The following MTHFD1L variants were observed in gnomAD, a reference collection of about 807,000 sequenced individuals.
MTHFD1L encodes monofunctional C1-tetrahydrofolate synthase, mitochondrial.
In MTHFD1L, 81 loss-of-function variants were observed where a neutral mutation model predicts 119.5. The ratio of observed to expected loss-of-function variants is 0.68; its 90% CI spans 0.57 to 0.82. The LOEUF (loss-of-function observed/expected upper bound fraction) is 0.82, where lower values mean the gene tolerates loss of function less well. Ranked by LOEUF, MTHFD1L falls within the 40% of genes least tolerant of loss-of-function variation. MTHFD1L has a pLI of 0.00. For synonymous variants in MTHFD1L, 430 were observed against 475.2 expected (o/e 0.90, Z 1.24); for missense variants, 1,125 against 1,253.4 (o/e 0.90, Z 1.55).
intron 24 of MTHFD1L, among the ~76,000 whole-genome samples, chr6:151,016,413 C>T (rs965287070): frequency 6.6e-6 from 1 of 151,942 alleles, no homozygotes. Flanking sequence ...ACCTCTGCCT[C>T]CCAGGTTCAA....
chr6:151,014,575 A>C (rs1408524512), intron 22 of MTHFD1L, among the ~76,000 whole-genome samples: 1 of 152,160 alleles, frequency 6.6e-6, no homozygotes. Flanking sequence ...CTCCTCACCC[A>C]CCTGGGGCCT....
intron 7 of MTHFD1L, among the ~76,000 whole-genome samples, chr6:150,892,049 A>G (rs1216854187): frequency 6.6e-6 from 1 of 152,214 alleles, no homozygotes; most frequent in Non-Finnish European, 1.5e-5. Context: ...CAGCCTTGCA[A>G]TGAAACGTGA....
At chr6:150,942,661 A>C (rs1312590240) in intron 13 of MTHFD1L, among the ~76,000 whole-genome samples, 1 of 152,148 alleles carries the variant, frequency 6.6e-6, no homozygotes, top group Non-Finnish European at 1.5e-5. Context: ...CTATGTTGAG[A>C]GTGTAAGAGC....
At position 151,010,846 on chromosome 6, in the gene MTHFD1L, C is replaced by T. The variant is rs117748715; in HGVS notation, c.2265+888C>T. ...CTGATTTCTTAATTGGTATACTGTA[C>T]TGTGTATGTGACAAAAGTCATATAT... On this transcript the variant is annotated intron_variant, in intron 21 of 27. Transcript: ENST00000367321. Among the ~76,000 whole-genome samples, 274 of 152,250 alleles carry T rather than the reference C, an allele frequency of 1.8e-3. 3 individuals are homozygous for T. Among genetic ancestry groups the T allele is most frequent in the South Asian group, 8.3e-3 (40 of 4,824 alleles).
At chr6:150,937,048 G>T in intron 12 of MTHFD1L, 108 bp downstream of exon 12, 1 of 1,372,622 alleles carries the variant, frequency 7.3e-7, no homozygotes, top group Non-Finnish European at 1.0e-6. Context: ...AGGGGACTTG[G>T]TACATTTCTT....
At chr6:150,988,100 G>A (rs1778555897) in intron 20 of MTHFD1L, among the ~76,000 whole-genome samples, 1 of 152,170 alleles carries the variant, frequency 6.6e-6, no homozygotes, top group African/African-American at 2.4e-5. Flanking sequence ...ATCATAAAAT[G>A]TGGAGTTAAA....
intron 1 of MTHFD1L, among the ~76,000 whole-genome samples, chr6:150,868,496 C>T (rs369539505): frequency 1.9e-4 from 29 of 152,012 alleles, no homozygotes; most frequent in East Asian, 1.2e-3. Flanking sequence ...CGCACTACCA[C>T]GCCTGGCTTA....
intron 8 of MTHFD1L, among the ~76,000 whole-genome samples, chr6:150,911,511 C>T (rs550434722): frequency 6.6e-6 from 1 of 152,230 alleles, no homozygotes; most frequent in South Asian, 2.1e-4. Context: ...TCTCACACTT[C>T]CACGGACTGT....
chr6:150,919,631 A>G (rs1323908273), intron 9 of MTHFD1L, among the ~76,000 whole-genome samples: 2 of 152,182 alleles, frequency 1.3e-5, no homozygotes, highest in African/African-American at 4.8e-5. Flanking sequence ...GAAAGCAGGC[A>G]TCTCACAAGG....
chr6:150,923,546 T>TTC (rs1486475442), intron 10 of MTHFD1L, among the ~76,000 whole-genome samples: 1 of 89,084 alleles, frequency 1.1e-5, no homozygotes, highest in African/African-American at 5.4e-5. Context: ...TATTTTTTCT[T>TTC]TTTTTTTTTT....
At chr6:150,928,650 T>C (rs919097130) in intron 11 of MTHFD1L, among the ~76,000 whole-genome samples, 5 of 151,534 alleles carry the variant, frequency 3.3e-5, no homozygotes, top group Non-Finnish European at 7.4e-5. Flanking sequence ...CAAGCAATTC[T>C]TGTGCCTCAG....
At chr6:151,076,649 TA>T (rs36053787) in intron 26 of MTHFD1L, among the ~76,000 whole-genome samples, 2,633 of 116,784 alleles carry the variant, frequency 0.023, 62 homozygotes, top group African/African-American at 0.071. Flanking sequence ...ATACTCTGTC[TA>T]AAAAAAAAAA....
At chr6:151,033,310 G>A (rs1446548691) in intron 24 of MTHFD1L, among the ~76,000 whole-genome samples, 1 of 151,896 alleles carries the variant, frequency 6.6e-6, no homozygotes, top group African/African-American at 2.4e-5. Flanking sequence ...AGCAGAGACG[G>A]GGTTTCACCA....
intron 7 of MTHFD1L, among the ~76,000 whole-genome samples, chr6:150,894,527 T>G (rs1447491188): frequency 1.3e-5 from 2 of 152,074 alleles, no homozygotes; most frequent in Non-Finnish European, 2.9e-5. Flanking sequence ...CTCAGTAGAT[T>G]ATTATCAACT....
chr6:151,044,201 C>T lies in MTHFD1L; in HGVS notation c.2847+7084C>T, dbSNP rs9478926. ...GCCCCCCATGTGGTTATCTCTGTGCCGTTTCCTTCCCTCTGTCTTCCTGTA... is the reference window on the plus strand; with the variant it reads ...GCCCCCCATGTGGTTATCTCTGTGCTGTTTCCTTCCCTCTGTCTTCCTGTA... On this transcript the variant is annotated intron_variant, in intron 26 of 27. Coordinates refer to ENST00000367321, the MANE Select transcript of MTHFD1L (RefSeq NM_015440.5). Among the ~76,000 whole-genome samples, 1,129 of 152,116 alleles carry T rather than the reference C, an allele frequency of 7.4e-3. 14 individuals are homozygous for T. Among genetic ancestry groups the T allele is most frequent in the African/African-American group, 0.026 (1,059 of 41,482 alleles).
At chr6:150,963,440 A>C (rs1362610208) in intron 18 of MTHFD1L, among the ~76,000 whole-genome samples, 1 of 152,262 alleles carries the variant, frequency 6.6e-6, no homozygotes, top group Admixed American at 6.5e-5. Flanking sequence ...TAATCATTCC[A>C]CAGCATATAC....
At chr6:150,970,773 T>C (rs564778627) in intron 19 of MTHFD1L, among the ~76,000 whole-genome samples, 12 of 152,220 alleles carry the variant, frequency 7.9e-5, no homozygotes, top group Non-Finnish European at 1.0e-4. Context: ...CTGTATCTTA[T>C]AGCTATATCC....
chr6:150,946,726 G>A (rs185772594), intron 15 of MTHFD1L, among the ~76,000 whole-genome samples: 5 of 152,136 alleles, frequency 3.3e-5, no homozygotes, highest in South Asian at 4.1e-4. Context: ...TTCCATCCTC[G>A]GCAGCTATAA....
At chr6:150,969,277 C>T (rs955877530) in intron 19 of MTHFD1L, among the ~76,000 whole-genome samples, 5 of 152,318 alleles carry the variant, frequency 3.3e-5, no homozygotes, top group South Asian at 4.1e-4. Context: ...CCACCGTGCC[C>T]GGCCTGAGCA....
Sources: gnomAD v4.1 joint callset for allele counts (sites outside exome capture counted in the v4.1 genomes callset) on GRCh38, gnomAD v4.1.1 for gene constraint, MANE v1.5 for transcripts, NCBI Gene and HGNC (gene_info 2026-07-23, HGNC 2026-07-21) for gene names.